The following SHLD2 variants were observed in gnomAD, a reference collection of about 807,000 sequenced individuals.
SHLD2 encodes RINN1-REV7-interacting novel NHEJ regulator 2.
SHLD2 carries 30 observed loss-of-function variants against 73.2 expected under a neutral mutation model. The observed-to-expected ratio is 0.41, with a 90% CI of 0.31 to 0.56. SHLD2 has a LOEUF of 0.56. Among genes scored for constraint, SHLD2 ranks in the 20% least tolerant of loss-of-function variants. The pLI is 0.28. For missense variants in SHLD2, 745 were observed against 1,055.9 expected (o/e 0.71, Z 4.08); for synonymous variants, 285 against 370.1 (o/e 0.77, Z 2.64).
rs201841924 is a variant in SHLD2, at chr10:87,148,032, ATT to A, written c.-5-3314_-5-3313del. Among the ~76,000 whole-genome samples the A allele has an allele frequency of 8.0e-4, 122 of 151,884 alleles. 2 individuals are homozygous for A. The East Asian group carries it at 0.02, about 25-fold the overall frequency. On this transcript the variant is annotated intron_variant, in intron 2 of 9. Coordinates refer to ENST00000298786, the MANE Select transcript of SHLD2 (RefSeq NM_001330112.2). ...GCCACCACACCTGGCTAATTTTCGTATTTTTACAGGATTTTACCATGTTGCCT... is the reference window on the plus strand; with the variant it reads ...GCCACCACACCTGGCTAATTTTCGTATTTACAGGATTTTACCATGTTGCCT...
At chr10:87,133,223 A>AT (rs1204238534) in intron 2 of SHLD2, among the ~76,000 whole-genome samples, 16 of 151,670 alleles carry the variant, frequency 1.1e-4, no homozygotes, top group African/African-American at 1.5e-4. Flanking sequence ...TGCTTCTTTT[A>AT]TTTTTTTTAT....
At chr10:87,121,378 G>T (rs1488613806) in intron 2 of SHLD2, among the ~76,000 whole-genome samples, 1 of 152,108 alleles carries the variant, frequency 6.6e-6, no homozygotes, top group Non-Finnish European at 1.5e-5. Flanking sequence ...ACCAGCCTCG[G>T]CCTCACAGTG....
intron 2 of SHLD2, among the ~76,000 whole-genome samples, chr10:87,135,218 A>AT (rs1236791075): frequency 6.6e-6 from 1 of 151,790 alleles, no homozygotes; most frequent in African/African-American, 2.4e-5. Context: ...TAATGAACTA[A>AT]TACTGATATA....
chr10:87,169,781 AG>A (rs1847458228), intron 4 of SHLD2, among the ~76,000 whole-genome samples: 1 of 152,178 alleles, frequency 6.6e-6, no homozygotes, highest in Admixed American at 6.5e-5. Flanking sequence ...AAAATGAGAC[AG>A]GAAAGAGAAA....
At chr10:87,150,999 G>GT (rs1329093764) in intron 2 of SHLD2, among the ~76,000 whole-genome samples, 1 of 151,774 alleles carries the variant, frequency 6.6e-6, no homozygotes, top group Non-Finnish European at 1.5e-5. Context: ...CTAATTTTTT[G>GT]TTTTTAGTAT....
intron 3 of SHLD2, among the ~76,000 whole-genome samples, chr10:87,156,545 AGT>A (rs1430385339): frequency 6.6e-6 from 1 of 152,172 alleles, no homozygotes; most frequent in Non-Finnish European, 1.5e-5. Context: ...GGGAAACAAC[AGT>A]GTTTAAAGGA....
chr10:87,135,149 T>G (rs1844712642), intron 2 of SHLD2, among the ~76,000 whole-genome samples: 1 of 151,906 alleles, frequency 6.6e-6, no homozygotes, highest in South Asian at 2.1e-4. Flanking sequence ...TTAATTTATT[T>G]TTTTTTTAGT....
chr10:87,120,378 G>A (rs1227764221), intron 2 of SHLD2, among the ~76,000 whole-genome samples: 1 of 151,930 alleles, frequency 6.6e-6, no homozygotes, highest in African/African-American at 2.4e-5. Context: ...CTCCCGAGTA[G>A]CTGGGAATAC....
rs1399220131 is a variant in SHLD2, at chr10:87,152,693, A to G, written c.1339A>G (p.Met447Val). 15 of 1,611,212 alleles carry G rather than the reference A, an allele frequency of 9.3e-6. No homozygotes were observed. The highest frequency in any genetic ancestry group is 2.2e-5 in the East Asian group (1 of 44,846). Residue 447 changes from methionine (M) to valine (V), a missense_variant, in exon 3 of 10, where the codon ATG becomes GTG. By Grantham distance (21) the Met-to-Val change is conservative (BLOSUM62 1). Transcript: ENST00000298786. Reference sequence around the variant, plus strand: ...AAGCCAGAAGTATAATTGTTTAGTCATGGTGCTATCTCCATGCCATGTGAA... The same window carrying G: ...AAGCCAGAAGTATAATTGTTTAGTCGTGGTGCTATCTCCATGCCATGTGAA... Reference protein sequence around the residue: ...SKSQKYNCLVMVLSPCHVKEI... With the variant: ...SKSQKYNCLVVVLSPCHVKEI...
chr10:87,130,868 T>G (rs535303036), intron 2 of SHLD2, among the ~76,000 whole-genome samples: 1 of 152,252 alleles, frequency 6.6e-6, no homozygotes, highest in South Asian at 2.1e-4. Context: ...TCTGGGAGTT[T>G]GAGAGAAGCC....
intron 8 of SHLD2, among the ~76,000 whole-genome samples, chr10:87,186,031 GT>G (rs1406485755): frequency 6.6e-6 from 1 of 152,070 alleles, no homozygotes; most frequent in Non-Finnish European, 1.5e-5. Flanking sequence ...TCCCTCTACA[GT>G]TTTACGTTCC....
At chr10:87,099,357 A>G (rs1477580556) in intron 2 of SHLD2, among the ~76,000 whole-genome samples, 1 of 152,250 alleles carries the variant, frequency 6.6e-6, no homozygotes, top group African/African-American at 2.4e-5. Flanking sequence ...AGGTAAAAAT[A>G]TACTTTCTAC....
In SHLD2 at chr10:87,180,095, C is replaced by G. The variant is rs1367872031; in HGVS notation, c.2191C>G (p.Gln731Glu). ...KCSGVVLIKAQISELAFPITA... is the reference protein window; with the variant it reads ...KCSGVVLIKAEISELAFPITA... ...TGTAGGAGTGGTTCTGATTAAAGCC[C>G]AGATTTCAGAGCTGGCATTTCCTAT... Residue 731 changes from glutamine (Q) to glutamate (E), a missense_variant, in exon 8 of 10, where the codon CAG becomes GAG. Physicochemically the swap from Gln to Glu is conservative, Grantham distance 29 (BLOSUM62 2). Transcript: ENST00000298786. The G allele has an allele frequency of 6.2e-7, 1 of 1,613,820 alleles. No individual in the cohort carries two copies. Among genetic ancestry groups the G allele is most frequent in the Admixed American group, 1.7e-5 (1 of 60,006 alleles).
chr10:87,179,678 GGCGTGAGCCACT>G (rs1026108016), intron 7 of SHLD2, among the ~76,000 whole-genome samples: 12 of 152,348 alleles, frequency 7.9e-5, no homozygotes, highest in African/African-American at 2.9e-4. Context: ...TGGGATTACA[GGCGTGAGCCACT>G]GCGCCCGGCC....
chr10:87,152,615 T>A lies in SHLD2; in HGVS notation c.1261T>A (p.Ser421Thr). The A allele has an allele frequency of 6.2e-7, 1 of 1,608,148 alleles. No individual in the cohort carries two copies. Among genetic ancestry groups the A allele is most frequent in the Non-Finnish European group, 8.5e-7 (1 of 1,178,940 alleles). Residue 421 changes from serine to threonine, a missense_variant, in exon 3 of 10, where the codon TCT becomes ACT. Transcript: ENST00000298786. ...TGTAGAAATGGATCGGAGAAATGTG[T>A]CTGAATTTAAGAGTATTAAAAAAAC... ...SAVEMDRRNVSEFKSIKKTSL... is the reference protein window; with the variant it reads ...SAVEMDRRNVTEFKSIKKTSL...
At chr10:87,178,980 A>C (rs956686657) in intron 7 of SHLD2, among the ~76,000 whole-genome samples, 27 of 152,150 alleles carry the variant, frequency 1.8e-4, no homozygotes, top group African/African-American at 6.3e-4. Flanking sequence ...TAGAGTGATT[A>C]GTTCTTGACC....
intron 4 of SHLD2, among the ~76,000 whole-genome samples, chr10:87,160,381 A>G (rs1846718784): frequency 1.3e-5 from 2 of 152,088 alleles, no homozygotes; most frequent in Admixed American, 1.3e-4. Flanking sequence ...TACAGCTACT[A>G]GGGAGGCTTA....
At chr10:87,174,973 C>T (rs1283784131) in intron 6 of SHLD2, among the ~76,000 whole-genome samples, 4 of 151,920 alleles carry the variant, frequency 2.6e-5, no homozygotes, top group South Asian at 2.1e-4. Context: ...AAAATTTAGC[C>T]GGGCGTGGTG....
rs1025479770 is a variant in SHLD2 at position 87,191,357 on chromosome 10, A to G, written c.*674A>G. 6.5e-6 allele frequency: 1 copy of G among 155,018 alleles called. No homozygotes were observed. Among genetic ancestry groups the G allele is most frequent in the South Asian group, 2.0e-4 (1 of 5,078 alleles). The allele number at this position is 155,018 out of a possible 1,614,324, so 9.6% of individuals were successfully genotyped here. On this transcript the variant is annotated 3_prime_UTR_variant, in exon 10 of 10. Transcript: ENST00000298786. ...TTGTGGAAGAAGCTCATGTAAAATG[A>G]TAGTCATTAATGAGGAAGTATGGCG...
Sources: allele counts gnomAD v4.1 joint callset (sites outside exome capture counted in the v4.1 genomes callset), GRCh38; gene constraint gnomAD v4.1.1; transcripts MANE v1.5; gene names NCBI Gene and HGNC (gene_info 2026-07-23, HGNC 2026-07-21).